CNTNAP2: variants seen among roughly 807,000 people sequenced by gnomAD.
CNTNAP2 encodes the protein contactin-associated protein-like 2.
CNTNAP2 carries 98 observed loss-of-function variants against 155.2 expected under a neutral mutation model. The observed-to-expected ratio is 0.63, with a 90% confidence interval of 0.54 to 0.75. The LOEUF (loss-of-function observed/expected upper bound fraction) is 0.75, where lower values mean the gene tolerates loss of function less well. Among genes scored for constraint, CNTNAP2 ranks in the 30% least tolerant of loss-of-function variants. The pLI is 0.00. For synonymous variants in CNTNAP2, 651 were observed against 631.2 expected, an observed-to-expected ratio of 1.03 and a Z score of -0.47; for missense variants, 1,727 against 1,688.1, an observed-to-expected ratio of 1.02 and a Z score of -0.40.
chr7:147,006,804 G>T (rs561294931), intron 3 of CNTNAP2, among the ~76,000 whole-genome samples: 2 of 152,014 alleles, frequency 1.3e-5, no homozygotes, highest in South Asian at 4.2e-4. Context: ...TGTTACTGGG[G>T]AGTATGGGGT....
intron 11 of CNTNAP2, among the ~76,000 whole-genome samples, chr7:147,560,367 T>C (rs1800039684): frequency 6.6e-6 from 1 of 152,152 alleles, no homozygotes; most frequent in African/African-American, 2.4e-5. Flanking sequence ...TAAGTTGATA[T>C]AAAACCTATA....
chr7:147,518,108 T>C (rs1185162132), intron 11 of CNTNAP2, among the ~76,000 whole-genome samples: 1 of 152,192 alleles, frequency 6.6e-6, no homozygotes, highest in Non-Finnish European at 1.5e-5. Context: ...AATTTCATTC[T>C]TGGTAGTTAC....
intron 10 of CNTNAP2, among the ~76,000 whole-genome samples, chr7:147,411,157 G>A (rs1797095825): frequency 6.6e-6 from 1 of 152,134 alleles, no homozygotes; most frequent in South Asian, 2.1e-4. Context: ...ACCATCTCCA[G>A]AGAATATCTT....
intron 1 of CNTNAP2, among the ~76,000 whole-genome samples, chr7:146,612,674 GATT>G (rs569846746): frequency 9.7e-4 from 147 of 152,100 alleles, no homozygotes; most frequent in African/African-American, 3.0e-3. Context: ...ACTTGGCACG[GATT>G]ATTAAGACGG....
intron 3 of CNTNAP2, among the ~76,000 whole-genome samples, chr7:146,954,684 T>C (rs1326641486): frequency 2.0e-5 from 3 of 151,932 alleles, no homozygotes; most frequent in Non-Finnish European, 2.9e-5. Flanking sequence ...CAATATTTTC[T>C]TTTGTGATAT....
chr7:146,279,964 TC>T lies in CNTNAP2; in HGVS notation c.97+162992del, dbSNP rs564390068. 2.0e-3 allele frequency among the ~76,000 whole-genome samples: 308 copies of T among 152,156 alleles called. 3 individuals are homozygous for T. Among genetic ancestry groups the T allele is most frequent in the African/African-American group, 7.0e-3 (289 of 41,546 alleles). On this transcript the variant is annotated intron_variant, in intron 1 of 23. Transcript: ENST00000361727. Reference sequence around the variant, plus strand: ...GTAGAATTATAAATTACTATACGTATCATATTATGAATATACTATAATTATG... The same window carrying T: ...GTAGAATTATAAATTACTATACGTATATATTATGAATATACTATAATTATG...
chr7:148,110,020 C>T (rs1050339718), intron 15 of CNTNAP2, among the ~76,000 whole-genome samples: 2 of 151,552 alleles, frequency 1.3e-5, no homozygotes, highest in African/African-American at 2.4e-5. Context: ...CCCAATGAAA[C>T]TTGTTTAATC....
At chr7:148,335,658 T>C (rs1199572313) in intron 21 of CNTNAP2, among the ~76,000 whole-genome samples, 1 of 152,160 alleles carries the variant, frequency 6.6e-6, no homozygotes, top group Non-Finnish European at 1.5e-5. Flanking sequence ...TTCAGCCTGC[T>C]CCCCAGCTAA....
chr7:147,241,636 G>GA (rs773697991), intron 8 of CNTNAP2, among the ~76,000 whole-genome samples: 2,789 of 62,998 alleles, frequency 0.044, 50 homozygotes, highest in African/African-American at 0.08. Context: ...TCAAAAAAAG[G>GA]AAAAAAAAAA....
intron 8 of CNTNAP2, among the ~76,000 whole-genome samples, chr7:147,264,594 C>T (rs1447518881): frequency 2.7e-5 from 4 of 150,570 alleles, no homozygotes; most frequent in Admixed American, 2.0e-4. Flanking sequence ...CCAGGCTAGC[C>T]TCGTCAAGCC....
intron 1 of CNTNAP2, among the ~76,000 whole-genome samples, chr7:146,446,778 A>G (rs987659100): frequency 6.6e-6 from 1 of 152,014 alleles, no homozygotes; most frequent in Non-Finnish European, 1.5e-5. Context: ...AATATACAGT[A>G]TACTCACCTA....
chr7:146,175,703 T>C (rs535861514), intron 1 of CNTNAP2, among the ~76,000 whole-genome samples: 28 of 152,370 alleles, frequency 1.8e-4, no homozygotes, highest in Non-Finnish European at 3.5e-4. Context: ...TGAATAAATA[T>C]ATTCTTAGTC....
intron 17 of CNTNAP2, among the ~76,000 whole-genome samples, chr7:148,166,319 T>C (rs1446855325): frequency 2.0e-5 from 3 of 152,184 alleles, no homozygotes; most frequent in African/African-American, 4.8e-5. Flanking sequence ...AAACAAGGCC[T>C]GGCTCATAGT....
At chr7:147,327,417 G>A (rs1795480497) in intron 9 of CNTNAP2, among the ~76,000 whole-genome samples, 1 of 152,116 alleles carries the variant, frequency 6.6e-6, no homozygotes, top group South Asian at 2.1e-4. Context: ...CAGAATGCCT[G>A]CATTTCATTG....
intron 1 of CNTNAP2, among the ~76,000 whole-genome samples, chr7:146,148,120 G>T (rs1320828054): frequency 1.3e-5 from 2 of 152,056 alleles, no homozygotes. Flanking sequence ...TGCTCACCTT[G>T]ATGAGCATCA....
intron 13 of CNTNAP2, among the ~76,000 whole-genome samples, chr7:147,750,269 A>G (rs934220161): frequency 6.6e-6 from 1 of 152,206 alleles, no homozygotes; most frequent in Non-Finnish European, 1.5e-5. Context: ...AATGGAAAAA[A>G]TGTTGATGTG....
intron 4 of CNTNAP2, among the ~76,000 whole-genome samples, chr7:147,054,923 T>G (rs137997835): frequency 2.7e-4 from 41 of 152,308 alleles, no homozygotes; most frequent in Non-Finnish European, 1.3e-4. Context: ...AAATGAAGCA[T>G]GTATATTTTT....
chr7:147,068,501 G>A (rs536743518), intron 4 of CNTNAP2, among the ~76,000 whole-genome samples: 2 of 152,228 alleles, frequency 1.3e-5, no homozygotes, highest in South Asian at 2.1e-4. Context: ...TGGGATTACA[G>A]GCATATGCCA....
At chr7:148,014,203 C>T (rs2116909184) in intron 15 of CNTNAP2, 1 of 151,354 alleles carries the variant, frequency 6.6e-6, no homozygotes, top group South Asian at 2.1e-4. Context: ...CAGCTGGCGA[C>T]CACCCAGTAT....
Sources: gnomAD v4.1 joint callset for allele counts (sites outside exome capture counted in the v4.1 genomes callset) on GRCh38, gnomAD v4.1.1 for gene constraint, MANE v1.5 for transcripts, NCBI Gene and HGNC (gene_info 2026-07-23, HGNC 2026-07-21) for gene names.